PALLD: variants seen among roughly 807,000 people sequenced by gnomAD.
PALLD encodes the protein palladin, cytoskeletal associated protein, also known as palladin.
A neutral mutation model predicts 123.5 loss-of-function variants in PALLD; 61 were observed. The observed-to-expected ratio is 0.49, with a 90% confidence interval of 0.40 to 0.61. The LOEUF (loss-of-function observed/expected upper bound fraction) is 0.61. PALLD is among the 20% of genes least tolerant of loss of function. PALLD has a pLI of 0.00. For missense variants in PALLD, 1,273 were observed against 1,377.0 expected (o/e 0.92, Z 1.20); for synonymous variants, 465 against 496.4 (o/e 0.94, Z 0.84).
chr4:168,838,064 G>A (rs1233576313), intron 10 of PALLD, among the ~76,000 whole-genome samples: 1 of 152,184 alleles, frequency 6.6e-6, no homozygotes, highest in East Asian at 1.9e-4. Flanking sequence ...GAGTACATAC[G>A]CTATTGTTTC....
chr4:168,556,384 G>A (rs920441199), intron 2 of PALLD, among the ~76,000 whole-genome samples: 9 of 152,094 alleles, frequency 5.9e-5, no homozygotes, highest in African/African-American at 2.2e-4. Flanking sequence ...TGTAAGCCAC[G>A]GCGCCCGGCC....
intron 10 of PALLD, among the ~76,000 whole-genome samples, chr4:168,754,110 C>G (rs1195906453): frequency 6.6e-6 from 1 of 152,220 alleles, no homozygotes; most frequent in East Asian, 1.9e-4. Context: ...TTTAGAGCCT[C>G]TAGTAATTGT....
chr4:168,555,735 T>C (rs745599766), intron 2 of PALLD, among the ~76,000 whole-genome samples: 3 of 152,176 alleles, frequency 2.0e-5, no homozygotes, highest in African/African-American at 7.2e-5. Flanking sequence ...AGAAACAAAA[T>C]GCAGTTCATT....
chr4:168,544,348 G>T (rs1301298961), intron 2 of PALLD, among the ~76,000 whole-genome samples: 1 of 152,254 alleles, frequency 6.6e-6, no homozygotes, highest in Non-Finnish European at 1.5e-5. Context: ...ATCAAAATAA[G>T]TAAATGCTGT....
chr4:168,697,130 A>AGACAC (rs1783205637), intron 8 of PALLD, among the ~76,000 whole-genome samples: 1 of 152,228 alleles, frequency 6.6e-6, no homozygotes, highest in Admixed American at 6.5e-5. Context: ...CAGTCACACT[A>AGACAC]GACACAACGA....
intron 10 of PALLD, among the ~76,000 whole-genome samples, chr4:168,847,175 A>G (rs906420073): frequency 6.6e-6 from 1 of 152,234 alleles, no homozygotes; most frequent in African/African-American, 2.4e-5. Flanking sequence ...TGTCAAATTC[A>G]CATATCCTTT....
chr4:168,923,825 C>T (rs1416239643), intron 18 of PALLD, among the ~76,000 whole-genome samples: 6 of 152,110 alleles, frequency 3.9e-5, no homozygotes, highest in Non-Finnish European at 8.8e-5. Flanking sequence ...ACATGGCAAA[C>T]GGCAGTGAGG....
chr4:168,566,811 T>C (rs562522436), intron 2 of PALLD, among the ~76,000 whole-genome samples: 1 of 152,364 alleles, frequency 6.6e-6, no homozygotes, highest in Middle Eastern at 3.4e-3. Flanking sequence ...TGCATATTAA[T>C]ATAAACATTG....
intron 6 of PALLD, among the ~76,000 whole-genome samples, chr4:168,689,930 C>T (rs1481016913): frequency 6.6e-6 from 1 of 152,146 alleles, no homozygotes; most frequent in Non-Finnish European, 1.5e-5. Flanking sequence ...AAATTAATTT[C>T]TGATCTGTTG....
intron 10 of PALLD, among the ~76,000 whole-genome samples, chr4:168,730,098 C>T (rs759608493): frequency 6.6e-6 from 1 of 152,078 alleles, no homozygotes; most frequent in Non-Finnish European, 1.5e-5. Context: ...TGAAAATTTT[C>T]TTATTTTTAA....
Position 168,690,680 on chromosome 4 carries a change from G to A in PALLD, c.1413G>A (p.Gln471=), listed in dbSNP as rs771743237. Residue 471 remains glutamine (Q), a synonymous_variant, in exon 7 of 22, where the codon CAG becomes CAA. Transcript: ENST00000505667. ...ECRVRGAPPL[Q]VQWFRQGSEI... The stretch of plus-strand genomic sequence containing the variant: ...GGGTCCGTGGGGCACCCCCTCTGCA[G>A]GTCCAGTGGTTTCGGCAAGGGAGTG... 2 of 1,614,180 alleles carry A rather than the reference G, an allele frequency of 1.2e-6. No homozygotes were observed. Among genetic ancestry groups the A allele is most frequent in the Admixed American group, 3.3e-5 (2 of 60,028 alleles).
chr4:168,575,501 A>G (rs534996157), intron 2 of PALLD, among the ~76,000 whole-genome samples: 1 of 152,102 alleles, frequency 6.6e-6, no homozygotes, highest in Admixed American at 6.5e-5. Context: ...ACATGTGGGG[A>G]TTATAATTTG....
chr4:168,564,709 A>G (rs1768195433), intron 2 of PALLD, among the ~76,000 whole-genome samples: 1 of 152,226 alleles, frequency 6.6e-6, no homozygotes, highest in Non-Finnish European at 1.5e-5. Flanking sequence ...TATATGCACA[A>G]AATGAATTTC....
chr4:168,830,101 A>C (rs1186123213), intron 10 of PALLD, among the ~76,000 whole-genome samples: 3 of 151,976 alleles, frequency 2.0e-5, no homozygotes, highest in Non-Finnish European at 4.4e-5. Flanking sequence ...GTGTGGTGGC[A>C]GGCGCCTGTT....
rs527757113 is a variant in PALLD, at chr4:168,859,352, G to A, written c.1965-31570G>A. Reference sequence around the variant, plus strand: ...ACAGGATGATCCTGTCTATGGAAGCGGAGTCTTCTCTCACTGCCTGAAGGA... The same window carrying A: ...ACAGGATGATCCTGTCTATGGAAGCAGAGTCTTCTCTCACTGCCTGAAGGA... On this transcript the variant is annotated intron_variant, in intron 10 of 21. Coordinates refer to ENST00000505667, the MANE Select transcript of PALLD (RefSeq NM_001166108.2). Among the ~76,000 whole-genome samples, 487 of 152,248 alleles carry A rather than the reference G, an allele frequency of 3.2e-3. 3 individuals are homozygous for A. Among genetic ancestry groups the A allele is most frequent in the South Asian group, 0.012 (59 of 4,808 alleles).
At chr4:168,890,094 A>C (rs192307092) in intron 10 of PALLD, among the ~76,000 whole-genome samples, 1 of 152,316 alleles carries the variant, frequency 6.6e-6, no homozygotes, top group East Asian at 1.9e-4. Flanking sequence ...ATGAGGGAAG[A>C]GGAAGAAAAA....
chr4:168,571,693 G>A (rs921078207), intron 2 of PALLD, among the ~76,000 whole-genome samples: 3 of 152,028 alleles, frequency 2.0e-5, no homozygotes, highest in South Asian at 2.1e-4. Flanking sequence ...TGGTTTTATC[G>A]GCAGAATGCA....
intron 3 of PALLD, among the ~76,000 whole-genome samples, chr4:168,672,861 A>C (rs2150039585): frequency 6.6e-6 from 1 of 152,326 alleles, no homozygotes; most frequent in East Asian, 1.9e-4. Context: ...AAGTTTTAAA[A>C]GGCTAAGTAA....
chr4:168,812,395 TC>T, intron 10 of PALLD, among the ~76,000 whole-genome samples: 1 of 152,166 alleles, frequency 6.6e-6, no homozygotes, highest in African/African-American at 2.4e-5. Flanking sequence ...CACAGAAACA[TC>T]TCCCTTGGGC....
Sources: allele counts gnomAD v4.1 joint callset (sites outside exome capture counted in the v4.1 genomes callset), GRCh38; gene constraint gnomAD v4.1.1; transcripts MANE v1.5; gene names NCBI Gene and HGNC (gene_info 2026-07-23, HGNC 2026-07-21).